The following DIPK1A variants were observed in gnomAD, a reference collection of about 807,000 sequenced individuals.
DIPK1A encodes the protein divergent protein kinase domain 1A.
DIPK1A carries 27 observed loss-of-function variants against 40.8 expected under a neutral mutation model. That is an observed-to-expected ratio of 0.66 (90% confidence interval 0.49 to 0.91). The LOEUF is 0.91. Ranked by LOEUF, DIPK1A falls within the 40% of genes least tolerant of loss-of-function variation. The pLI, the probability that DIPK1A is intolerant of heterozygous loss-of-function variation, is 0.00. For synonymous variants in DIPK1A, 166 were observed against 171.3 expected, an observed-to-expected ratio of 0.97 and a Z score of 0.24; for missense variants, 412 against 505.7, an observed-to-expected ratio of 0.81 and a Z score of 1.78.
intron 1 of DIPK1A, among the ~76,000 whole-genome samples, chr1:92,942,499 C>T (rs1651192688): frequency 6.6e-6 from 1 of 152,082 alleles, no homozygotes; most frequent in Non-Finnish European, 1.5e-5. Context: ...ATTTAAGACG[C>T]TAATCTTTTA....
At chr1:92,887,992 C>CT (rs1368517710) in intron 1 of DIPK1A, among the ~76,000 whole-genome samples, 10 of 151,716 alleles carry the variant, frequency 6.6e-5, no homozygotes, top group Non-Finnish European at 1.5e-4. Context: ...GAACACTATT[C>CT]TTTTTTTACC....
downstream of DIPK1A, chr1:92,840,728 C>T (rs772563256): frequency 1.6e-5 from 15 of 920,726 alleles, no homozygotes; most frequent in South Asian, 1.2e-4. Flanking sequence ...TGTGCAAACT[C>T]GATCACTAGC....
intron 1 of DIPK1A, among the ~76,000 whole-genome samples, chr1:92,914,421 G>A (rs905606204): frequency 3.9e-5 from 6 of 152,024 alleles, no homozygotes; most frequent in Admixed American, 2.0e-4. Context: ...CAAGGGAGTA[G>A]GGAAGAAGAA....
At chr1:92,906,899 T>C (rs1004055300) in intron 1 of DIPK1A, among the ~76,000 whole-genome samples, 5 of 152,314 alleles carry the variant, frequency 3.3e-5, no homozygotes, top group South Asian at 4.1e-4. Context: ...ACTGAATCCA[T>C]TGTGGACCAT....
At chr1:92,866,115 T>G (rs1473663823) in intron 2 of DIPK1A, among the ~76,000 whole-genome samples, 1 of 152,198 alleles carries the variant, frequency 6.6e-6, no homozygotes, top group African/African-American at 2.4e-5. Flanking sequence ...GTTTGTTTGT[T>G]TTTTGAGACA....
intron 1 of DIPK1A, among the ~76,000 whole-genome samples, chr1:92,916,937 C>T (rs1051633947): frequency 6.6e-6 from 1 of 152,156 alleles, no homozygotes; most frequent in Non-Finnish European, 1.5e-5. Flanking sequence ...AATGTCAAAA[C>T]TTCCCCATAA....
At chr1:92,901,190 G>A (rs1649398688) in intron 1 of DIPK1A, among the ~76,000 whole-genome samples, 1 of 152,006 alleles carries the variant, frequency 6.6e-6, no homozygotes, top group South Asian at 2.1e-4. Flanking sequence ...GGCCTTTGGG[G>A]TCCTTCTATT....
chr1:92,956,115 G>T (rs566719687), intron 1 of DIPK1A, among the ~76,000 whole-genome samples: 2 of 152,166 alleles, frequency 1.3e-5, no homozygotes, highest in East Asian at 1.9e-4. Context: ...AGGACAAGGG[G>T]TATATGGGAA....
chr1:92,923,359 G>A (rs982221096), intron 1 of DIPK1A, among the ~76,000 whole-genome samples: 4 of 152,012 alleles, frequency 2.6e-5, no homozygotes, highest in Non-Finnish European at 4.4e-5. Flanking sequence ...GGCTGGTCTC[G>A]AACTCCTGAC....
intron 1 of DIPK1A, among the ~76,000 whole-genome samples, chr1:92,926,207 T>C (rs1650498657): frequency 6.6e-6 from 1 of 152,236 alleles, no homozygotes; most frequent in Non-Finnish European, 1.5e-5. Flanking sequence ...TAAATTTCTC[T>C]GTAAGCAGTG....
chr1:92,898,977 C>G (rs1571105992), intron 1 of DIPK1A, among the ~76,000 whole-genome samples: 1 of 152,138 alleles, frequency 6.6e-6, no homozygotes, highest in South Asian at 2.1e-4. Context: ...CTATGTTGCC[C>G]AGGCTAACCT....
chr1:92,935,546 A>C (rs1650913178), intron 1 of DIPK1A, among the ~76,000 whole-genome samples: 1 of 152,210 alleles, frequency 6.6e-6, no homozygotes, highest in African/African-American at 2.4e-5. Flanking sequence ...TCACAAGACC[A>C]GGATTTAAGT....
chr1:92,857,809 A>G, intron 2 of DIPK1A, among the ~76,000 whole-genome samples: 1 of 152,114 alleles, frequency 6.6e-6, no homozygotes, highest in African/African-American at 2.4e-5. Flanking sequence ...CAGAGTTGGA[A>G]CCTGAGCCCA....
intron 1 of DIPK1A, among the ~76,000 whole-genome samples, chr1:92,951,155 G>A (rs1014189078): frequency 3.9e-5 from 6 of 152,096 alleles, no homozygotes; most frequent in Non-Finnish European, 5.9e-5. Flanking sequence ...GCAATCATAC[G>A]AGCTCTTAAA....
Position 92,961,419 on chromosome 1 carries a change from C to A in DIPK1A, c.11G>T (p.Ser4Ile), listed in dbSNP as rs1652088837. The A allele has an allele frequency of 6.6e-7, 1 of 1,522,568 alleles. No homozygotes were observed. The highest frequency in any genetic ancestry group is 1.4e-5 in the African/African-American group (1 of 69,156). 94.3% of individuals were successfully genotyped at this position (1,522,568 alleles called of 1,614,324 possible). ...CCTTAGCCAGGCCCCCGGACAGAGA[C>A]TCCTCGCCATGGTAATCACACATCG... is the stretch of plus-strand genomic sequence containing the variant. The part of the protein sequence containing the change: MAR[S>I]LCPGAWLRKP... Residue 4 changes from serine to isoleucine, a missense_variant, in exon 1 of 5, where the codon AGT becomes ATT. Coordinates refer to ENST00000370310, the MANE Select transcript of DIPK1A (RefSeq NM_001006605.5).
chr1:92,851,085 TG>T, intron 2 of DIPK1A, 130 bp from the exon 3 acceptor site: 2 of 629,490 alleles, frequency 3.2e-6, no homozygotes, highest in South Asian at 4.3e-5. Flanking sequence ...TAGACAGACC[TG>T]GATTTGATCT....
intron 1 of DIPK1A, among the ~76,000 whole-genome samples, chr1:92,926,451 G>A (rs1650513973): frequency 6.6e-6 from 1 of 152,170 alleles, no homozygotes; most frequent in South Asian, 2.1e-4. Flanking sequence ...CTTGGTAAAA[G>A]TTCCATGGTA....
At chr1:92,849,790 G>C (rs1002148619) in intron 3 of DIPK1A, among the ~76,000 whole-genome samples, 4 of 151,282 alleles carry the variant, frequency 2.6e-5, no homozygotes, top group South Asian at 2.1e-4. Flanking sequence ...TGGGATTACA[G>C]GTGTATGCCA....
At chr1:92,882,345 G>A (rs1571087006) in intron 1 of DIPK1A, among the ~76,000 whole-genome samples, 2 of 152,202 alleles carry the variant, frequency 1.3e-5, no homozygotes, top group Non-Finnish European at 2.9e-5. Context: ...CTGAGATCGT[G>A]CCATTGCACT....
Sources: allele counts gnomAD v4.1 joint callset (sites outside exome capture counted in the v4.1 genomes callset), GRCh38; gene constraint gnomAD v4.1.1; transcripts MANE v1.5; gene names NCBI Gene and HGNC (gene_info 2026-07-23, HGNC 2026-07-21).